The following SPAG16 variants were observed in gnomAD, a reference collection of about 807,000 sequenced individuals.
SPAG16 encodes the protein sperm associated antigen 16, also known as sperm-associated antigen 16 protein.
Under a neutral mutation model 80.4 loss-of-function variants are expected in SPAG16, and 86 were observed. That is an observed-to-expected ratio of 1.07 (90% CI 0.90 to 1.28). The LOEUF is 1.28. SPAG16 is among the 50% of genes most tolerant of loss of function. The pLI is 0.00. For synonymous variants in SPAG16, 294 were observed against 265.9 expected, an observed-to-expected ratio of 1.11 and a Z score of -1.03; for missense variants, 870 against 765.3, an observed-to-expected ratio of 1.14 and a Z score of -1.61.
chr2:214,383,921 A>C (rs1700604202), intron 15 of SPAG16, among the ~76,000 whole-genome samples: 1 of 35,320 alleles, frequency 2.8e-5, no homozygotes, highest in Admixed American at 2.5e-4. Context: ...GACATGGCAA[A>C]CCTTTAAATC....
intron 10 of SPAG16, among the ~76,000 whole-genome samples, chr2:213,714,714 A>G (rs1055514771): frequency 2.6e-5 from 4 of 152,308 alleles, no homozygotes. Flanking sequence ...GCAGAAATTC[A>G]TAACACTCTG....
intron 10 of SPAG16, among the ~76,000 whole-genome samples, chr2:213,768,328 A>G (rs889041489): frequency 1.3e-5 from 2 of 152,224 alleles, no homozygotes; most frequent in African/African-American, 2.4e-5. Flanking sequence ...AATCAAATTT[A>G]CATTTCATAA....
rs547904877 is a variant in SPAG16, at chr2:214,043,784, A to G, written c.1527+29707A>G. On this transcript the variant is annotated intron_variant, in intron 13 of 15. Transcript: ENST00000331683. ...AGACAGAATGAAGATTTTTTATTAAATCCCTTTGAAGATTAGAAAATAATG... is the reference window on the plus strand; with the variant it reads ...AGACAGAATGAAGATTTTTTATTAAGTCCCTTTGAAGATTAGAAAATAATG... Among the ~76,000 whole-genome samples the G allele has an allele frequency of 6.6e-5, 10 of 152,230 alleles. No homozygotes were observed. In the East Asian group the frequency reaches 1.4e-3, roughly 21 times the overall value.
At chr2:213,610,137 T>C (rs2061396353) in intron 10 of SPAG16, among the ~76,000 whole-genome samples, 1 of 152,148 alleles carries the variant, frequency 6.6e-6, no homozygotes, top group Non-Finnish European at 1.5e-5. Context: ...ATATTAATAA[T>C]ATTTTTAAAT....
intron 10 of SPAG16, among the ~76,000 whole-genome samples, chr2:213,766,477 A>T (rs1277203993): frequency 6.6e-6 from 1 of 152,222 alleles, no homozygotes; most frequent in African/African-American, 2.4e-5. Context: ...ATTAAAAAAG[A>T]GCTGAACTTT....
intron 12 of SPAG16, among the ~76,000 whole-genome samples, chr2:213,934,921 G>A (rs1286545689): frequency 6.6e-6 from 1 of 152,122 alleles, no homozygotes; most frequent in Admixed American, 6.6e-5. Context: ...TACACTTCCA[G>A]GCCTGGTGCG....
chr2:213,770,514 T>C (rs959667843), intron 10 of SPAG16, among the ~76,000 whole-genome samples: 5 of 152,204 alleles, frequency 3.3e-5, no homozygotes, highest in Admixed American at 6.5e-5. Flanking sequence ...GTTTGTTACA[T>C]GGGGAAACAT....
chr2:214,103,943 CAG>C (rs57534934), intron 13 of SPAG16, among the ~76,000 whole-genome samples: 23,662 of 144,934 alleles, frequency 0.16, 1,966 homozygotes, highest in Admixed American at 0.2. Context: ...GAGAGGGAAA[CAG>C]AGAGAGAGAG....
At chr2:213,402,988 C>CT (rs2068406345) in intron 9 of SPAG16, among the ~76,000 whole-genome samples, 1 of 140,930 alleles carries the variant, frequency 7.1e-6, no homozygotes, top group Non-Finnish European at 1.5e-5. Flanking sequence ...TTCTAGATCC[C>CT]TGAGGAATCG....
chr2:213,767,655 T>TCA (rs3220937), intron 10 of SPAG16, among the ~76,000 whole-genome samples: 2,818 of 147,474 alleles, frequency 0.019, 93 homozygotes, highest in African/African-American at 0.064. Flanking sequence ...ACAACATACT[T>TCA]CACACACACA....
intron 10 of SPAG16, among the ~76,000 whole-genome samples, chr2:213,499,259 A>G (rs1328492159): frequency 2.0e-5 from 3 of 152,280 alleles, no homozygotes; most frequent in South Asian, 2.1e-4. Context: ...TTTCTATACT[A>G]TACTAGAGCT....
At chr2:213,933,744 A>G (rs1370610114) in intron 12 of SPAG16, among the ~76,000 whole-genome samples, 1 of 152,186 alleles carries the variant, frequency 6.6e-6, no homozygotes, top group Non-Finnish European at 1.5e-5. Flanking sequence ...TTCTAAGTGT[A>G]TTGTGTCCAA....
chr2:213,443,314 C>G (rs1163669022), intron 9 of SPAG16, among the ~76,000 whole-genome samples: 4 of 152,088 alleles, frequency 2.6e-5, no homozygotes, highest in African/African-American at 9.7e-5. Flanking sequence ...TTTTCTTTCC[C>G]TCCTTGTCAC....
At chr2:214,235,643 G>A (rs1003821770) in intron 15 of SPAG16, among the ~76,000 whole-genome samples, 1 of 151,784 alleles carries the variant, frequency 6.6e-6, no homozygotes, top group Non-Finnish European at 1.5e-5. Context: ...ACCACTGGTG[G>A]GACAGAAGAA....
chr2:213,403,895 C>A (rs1407753312), intron 9 of SPAG16, among the ~76,000 whole-genome samples: 1 of 152,118 alleles, frequency 6.6e-6, no homozygotes, highest in Non-Finnish European at 1.5e-5. Context: ...AAATCACAAG[C>A]ATTCTTATAC....
At chr2:213,301,823 G>A (rs971079933) in intron 3 of SPAG16, among the ~76,000 whole-genome samples, 23 of 152,054 alleles carry the variant, frequency 1.5e-4, no homozygotes, top group African/African-American at 5.6e-4. Flanking sequence ...AAGACCCTGA[G>A]CCTTAATGGA....
intron 12 of SPAG16, among the ~76,000 whole-genome samples, chr2:214,000,730 G>C (rs1447564561): frequency 6.6e-6 from 1 of 152,218 alleles, no homozygotes; most frequent in African/African-American, 2.4e-5. Context: ...ATGTGATAGT[G>C]ATGTGTGTTG....
intron 10 of SPAG16, among the ~76,000 whole-genome samples, chr2:213,855,930 C>A (rs916318595): frequency 3.0e-5 from 4 of 133,484 alleles, no homozygotes; most frequent in Non-Finnish European, 6.8e-5. Flanking sequence ...AATCTCATAA[C>A]CTCAAATTTC....
chr2:214,090,651 C>T (rs1015267963), intron 13 of SPAG16, among the ~76,000 whole-genome samples: 2 of 151,954 alleles, frequency 1.3e-5, no homozygotes, highest in Admixed American at 1.3e-4. Context: ...TTTATTCCTT[C>T]TTCTTCAGAT....
Sources: gnomAD v4.1 joint callset for allele counts (sites outside exome capture counted in the v4.1 genomes callset) on GRCh38, gnomAD v4.1.1 for gene constraint, MANE v1.5 for transcripts, NCBI Gene and HGNC (gene_info 2026-07-23, HGNC 2026-07-21) for gene names.